LRP1B: variants seen among roughly 807,000 people sequenced by gnomAD.
LRP1B encodes the protein low-density lipoprotein receptor-related protein 1B.
Under a neutral mutation model 556.6 loss-of-function variants are expected in LRP1B, and 217 were observed. The ratio of observed to expected loss-of-function variants is 0.39; its 90% confidence interval spans 0.35 to 0.44. The LOEUF (loss-of-function observed/expected upper bound fraction) is 0.44, where lower values mean the gene tolerates loss of function less well. Among genes scored for constraint, LRP1B ranks in the 20% least tolerant of loss-of-function variants. The pLI is 1.00. For synonymous variants in LRP1B, 2,047 were observed against 1,865.8 expected (o/e 1.10, Z -2.50); for missense variants, 5,053 against 5,620.8 (o/e 0.90, Z 3.23).
At position 141,396,695 on chromosome 2, in the gene LRP1B, G is replaced by T. The variant is rs530063392; in HGVS notation, c.343+83701C>A. Among the ~76,000 whole-genome samples the T allele has an allele frequency of 2.6e-5, 4 of 152,098 alleles. No individual in the cohort carries two copies. In the South Asian group the frequency reaches 8.3e-4, roughly 32 times the overall value. On this transcript the variant is annotated intron_variant, in intron 3 of 90. Coordinates refer to ENST00000389484, the MANE Select transcript of LRP1B (RefSeq NM_018557.3). Reference sequence around the variant, plus strand: ...GCTGGCATCTGATAAATTCTGGATAGGGGAAAAACTAGGCATATTATATTT... The same window carrying T: ...GCTGGCATCTGATAAATTCTGGATATGGGAAAAACTAGGCATATTATATTT...
rs149010892 is a variant in LRP1B, at chr2:140,624,715, A to G, written c.6800-23076T>C. 9.5e-4 allele frequency among the ~76,000 whole-genome samples: 145 copies of G among 152,258 alleles called. 1 individual carries two copies. In the East Asian group the frequency reaches 0.025, roughly 26 times the overall value. On this transcript the variant is annotated intron_variant, in intron 41 of 90. Transcript: ENST00000389484. ...TGTTGTTTTTAAAGCAATCAACTCT[A>G]TTTCCATCAGGTCCATTGAGTTTAT...
intron 1 of LRP1B, among the ~76,000 whole-genome samples, chr2:142,030,988 A>AT (rs1175920433): frequency 6.6e-6 from 1 of 151,894 alleles, no homozygotes; most frequent in African/African-American, 2.4e-5. Flanking sequence ...TGTCAAAGAC[A>AT]TTTTTTAAGG....
chr2:141,690,042 GA>G (rs1426685464), intron 2 of LRP1B, among the ~76,000 whole-genome samples: 1 of 151,544 alleles, frequency 6.6e-6, no homozygotes, highest in Non-Finnish European at 1.5e-5. Context: ...TAATGCAAGA[GA>G]AAAACTCTTC....
chr2:141,686,302 T>C (rs1379749739), intron 2 of LRP1B, among the ~76,000 whole-genome samples: 1 of 151,942 alleles, frequency 6.6e-6, no homozygotes, highest in Non-Finnish European at 1.5e-5. Context: ...AATGGGCTTA[T>C]TATATGAGAT....
intron 1 of LRP1B, among the ~76,000 whole-genome samples, chr2:142,108,381 G>T (rs1706833709): frequency 6.6e-6 from 1 of 151,574 alleles, no homozygotes; most frequent in Non-Finnish European, 1.5e-5. Context: ...GTCTTTTCGT[G>T]TTATCCACTA....
chr2:141,360,853 A>G (rs1478982772), intron 3 of LRP1B, among the ~76,000 whole-genome samples: 1 of 152,252 alleles, frequency 6.6e-6, no homozygotes, highest in Admixed American at 6.5e-5. Flanking sequence ...CAAATACACA[A>G]GCATATAAAT....
At chr2:140,818,936 C>CAAAAAAAAAAAAAAAAAAAAA (rs543167243) in intron 31 of LRP1B, among the ~76,000 whole-genome samples, 1 of 102,938 alleles carries the variant, frequency 9.7e-6, no homozygotes, top group Non-Finnish European at 1.9e-5. Context: ...GACTCTGTCT[C>CAAAAAAAAAAAAAAAAAAAAA]AAAAAAAAAA....
chr2:141,591,909 A>C (rs998119729), intron 2 of LRP1B, among the ~76,000 whole-genome samples: 1 of 152,284 alleles, frequency 6.6e-6, no homozygotes, highest in South Asian at 2.1e-4. Flanking sequence ...AAATAAATAC[A>C]TAGTCCAAAA....
At chr2:140,464,388 A>G (rs1687455823) in intron 60 of LRP1B, among the ~76,000 whole-genome samples, 1 of 152,134 alleles carries the variant, frequency 6.6e-6, no homozygotes, top group African/African-American at 2.4e-5. Flanking sequence ...TAGATTTAAC[A>G]TCATTTAATC....
intron 2 of LRP1B, among the ~76,000 whole-genome samples, chr2:141,685,081 G>A (rs1193621274): frequency 6.6e-6 from 1 of 152,090 alleles, no homozygotes; most frequent in East Asian, 1.9e-4. Flanking sequence ...ATTTGCTTGG[G>A]ACCAATAACT....
At chr2:141,185,320 A>G (rs1681193369) in intron 7 of LRP1B, among the ~76,000 whole-genome samples, 1 of 152,086 alleles carries the variant, frequency 6.6e-6, no homozygotes. Flanking sequence ...CCATTAAAGA[A>G]GCAGAGACCT....
At chr2:140,262,842 C>A (rs752067654) in intron 86 of LRP1B, among the ~76,000 whole-genome samples, 18 of 152,126 alleles carry the variant, frequency 1.2e-4, no homozygotes, top group Non-Finnish European at 2.4e-4. Flanking sequence ...TGGTAGCAGT[C>A]TGCAAGAGGA....
At chr2:142,115,562 G>GT (rs1707185602) in intron 1 of LRP1B, among the ~76,000 whole-genome samples, 1 of 41,438 alleles carries the variant, frequency 2.4e-5, no homozygotes, top group Non-Finnish European at 4.3e-5. Context: ...TATTATATAT[G>GT]TAATATATAT....
At chr2:140,825,065 AATG>A (rs1187224212) in intron 31 of LRP1B, among the ~76,000 whole-genome samples, 1 of 152,136 alleles carries the variant, frequency 6.6e-6, no homozygotes, top group Non-Finnish European at 1.5e-5. Flanking sequence ...TAAAAATTTA[AATG>A]ATAACAGAGC....
intron 1 of LRP1B, among the ~76,000 whole-genome samples, chr2:142,075,033 G>A (rs2104918878): frequency 6.6e-6 from 1 of 152,086 alleles, no homozygotes; most frequent in Middle Eastern, 3.4e-3. Flanking sequence ...CATTCCAAAA[G>A]CTTAAATTGG....
intron 2 of LRP1B, among the ~76,000 whole-genome samples, chr2:141,499,815 A>G (rs1173931210): frequency 1.3e-5 from 2 of 152,118 alleles, no homozygotes; most frequent in African/African-American, 4.8e-5. Context: ...AGTATTCGGC[A>G]TCAGGTTTCC....
At chr2:141,341,178 G>T (rs766357121) in intron 3 of LRP1B, among the ~76,000 whole-genome samples, 21 of 152,268 alleles carry the variant, frequency 1.4e-4, no homozygotes, top group Non-Finnish European at 2.9e-4. Context: ...AGGCTAATCT[G>T]CAGATGAAGT....
intron 2 of LRP1B, among the ~76,000 whole-genome samples, chr2:141,664,227 T>C (rs1334047756): frequency 6.6e-6 from 1 of 152,176 alleles, no homozygotes; most frequent in Admixed American, 6.5e-5. Flanking sequence ...TAGGTATTGA[T>C]GGAACATAAC....
chr2:141,647,822 T>C (rs1215582367), intron 2 of LRP1B, among the ~76,000 whole-genome samples: 1 of 151,678 alleles, frequency 6.6e-6, no homozygotes, highest in Non-Finnish European at 1.5e-5. Context: ...TGCAATAAAA[T>C]TAAGAAAATT....
Sources: gnomAD v4.1 joint callset for allele counts (sites outside exome capture counted in the v4.1 genomes callset) on GRCh38, gnomAD v4.1.1 for gene constraint, MANE v1.5 for transcripts, NCBI Gene and HGNC (gene_info 2026-07-23, HGNC 2026-07-21) for gene names.